The following DNER variants were observed in gnomAD, a reference collection of about 807,000 sequenced individuals.
DNER encodes the protein delta/notch like EGF repeat containing, also known as delta and Notch-like epidermal growth factor-related receptor.
A neutral mutation model predicts 78.2 loss-of-function variants in DNER; 33 were observed. The observed-to-expected ratio is 0.42, with a 90% CI of 0.32 to 0.56. The LOEUF (loss-of-function observed/expected upper bound fraction) is 0.56, where lower values mean the gene tolerates loss of function less well. DNER is among the 20% of genes least tolerant of loss of function. The pLI is 0.11. For synonymous variants in DNER, 417 were observed against 384.8 expected, an observed-to-expected ratio of 1.08 and a Z score of -0.98; for missense variants, 918 against 975.3, an observed-to-expected ratio of 0.94 and a Z score of 0.78.
intron 11 of DNER, among the ~76,000 whole-genome samples, chr2:229,369,335 T>TTA (rs1443718073): frequency 6.1e-5 from 9 of 147,814 alleles, no homozygotes; most frequent in South Asian, 2.1e-4. Context: ...TCTAAAAAGT[T>TTA]AAAAAAAAGT....
intron 6 of DNER, among the ~76,000 whole-genome samples, chr2:229,495,548 C>T (rs944603316): frequency 2.6e-5 from 4 of 152,192 alleles, no homozygotes; most frequent in Admixed American, 1.3e-4. Flanking sequence ...TGTCCCAGCT[C>T]AAGGCAGTCA....
chr2:229,535,712 C>T (rs1044016864), intron 5 of DNER, among the ~76,000 whole-genome samples: 10 of 151,962 alleles, frequency 6.6e-5, no homozygotes, highest in African/African-American at 2.2e-4. Context: ...GGCATGATCT[C>T]GGCTCACTGT....
chr2:229,453,448 T>C (rs1391593554), intron 7 of DNER, among the ~76,000 whole-genome samples: 1 of 152,144 alleles, frequency 6.6e-6, no homozygotes, highest in Non-Finnish European at 1.5e-5. Flanking sequence ...GAGAGAGGTA[T>C]GAACTAGACT....
intron 1 of DNER, among the ~76,000 whole-genome samples, chr2:229,614,694 TGG>T (rs1698119750): frequency 6.6e-6 from 1 of 152,246 alleles, no homozygotes; most frequent in East Asian, 1.9e-4. Context: ...CATAAGAGAC[TGG>T]GCTCCAGCCC....
At chr2:229,478,555 G>C (rs976896671) in intron 6 of DNER, among the ~76,000 whole-genome samples, 1 of 152,112 alleles carries the variant, frequency 6.6e-6, no homozygotes, top group African/African-American at 2.4e-5. Flanking sequence ...AGGAGAAAAG[G>C]CTATTTCAAA....
intron 1 of DNER, among the ~76,000 whole-genome samples, chr2:229,596,000 A>C (rs1697707147): frequency 6.6e-6 from 1 of 151,958 alleles, no homozygotes; most frequent in African/African-American, 2.4e-5. Flanking sequence ...TTTTTTCTAA[A>C]ATATCCATCA....
At chr2:229,455,255 C>A (rs1694545953) in intron 7 of DNER, among the ~76,000 whole-genome samples, 1 of 152,052 alleles carries the variant, frequency 6.6e-6, no homozygotes, top group Admixed American at 6.5e-5. Context: ...AGCCAGAAAA[C>A]CAAAGTTTGA....
intron 6 of DNER, among the ~76,000 whole-genome samples, chr2:229,511,134 A>C (rs1384832564): frequency 2.0e-5 from 3 of 152,190 alleles, no homozygotes; most frequent in African/African-American, 7.2e-5. Flanking sequence ...CTTGTTTCTT[A>C]CAATGAGTAC....
Position 229,502,154 on chromosome 2 carries a change from C to T in DNER, c.1147+10629G>A, listed in dbSNP as rs116456051. On this transcript the variant is annotated intron_variant, in intron 6 of 12. Transcript: ENST00000341772. ...AGAGGGCAGTGGAAACCTGTCCTAT[C>T]GAAAGGAAACCCATATGGAGCATGG... Among the ~76,000 whole-genome samples the T allele has an allele frequency of 3.0e-3, 452 of 152,198 alleles. 5 individuals are homozygous for T. Among genetic ancestry groups the T allele is most frequent in the African/African-American group, 0.01 (421 of 41,526 alleles).
At chr2:229,683,056 T>A (rs769909581) in intron 1 of DNER, among the ~76,000 whole-genome samples, 1 of 152,242 alleles carries the variant, frequency 6.6e-6, no homozygotes, top group Non-Finnish European at 1.5e-5. Context: ...TATAATTTAA[T>A]AGCATAAAGT....
intron 4 of DNER, among the ~76,000 whole-genome samples, chr2:229,569,964 A>G (rs1318713902): frequency 6.6e-6 from 1 of 152,214 alleles, no homozygotes; most frequent in Non-Finnish European, 1.5e-5. Flanking sequence ...AACGTTTCAG[A>G]GGGCCATAAT....
Position 229,489,201 on chromosome 2 carries a change from G to A in DNER, c.1148-11948C>T, listed in dbSNP as rs202225320. On this transcript the variant is annotated intron_variant, in intron 6 of 12. Transcript: ENST00000341772. Reference sequence around the variant, plus strand: ...CTGTGAGTAAGGCAGCATGGCCTGCGGGGAGGGTGCAATCACCCAGGCGGC... The same window carrying A: ...CTGTGAGTAAGGCAGCATGGCCTGCAGGGAGGGTGCAATCACCCAGGCGGC... 7.9e-5 allele frequency among the ~76,000 whole-genome samples: 12 copies of A among 152,210 alleles called. No individual in the cohort carries two copies. In the East Asian group the frequency reaches 9.6e-4, roughly 12 times the overall value.
chr2:229,564,015 T>C (rs991371262), intron 4 of DNER, among the ~76,000 whole-genome samples: 3 of 145,814 alleles, frequency 2.1e-5, no homozygotes, highest in Admixed American at 6.8e-5. Flanking sequence ...ATCACCATCA[T>C]CATCATCCTC....
At chr2:229,596,126 A>C (rs2154214783) in intron 1 of DNER, among the ~76,000 whole-genome samples, 1 of 152,286 alleles carries the variant, frequency 6.6e-6, no homozygotes, top group Non-Finnish European at 1.5e-5. Flanking sequence ...GTGTATCCAC[A>C]GCCCTAGAAC....
chr2:229,476,448 A>G (rs6706264), intron 7 of DNER, among the ~76,000 whole-genome samples: 18,953 of 152,120 alleles, frequency 0.12, 1,323 homozygotes, highest in South Asian at 0.2. Context: ...TCTGCAGAGG[A>G]TGTGACTCTA....
rs1434553535 is a variant in DNER, at chr2:229,448,575, T to G, written c.1262-1035A>C. ...ATAAAATTATGTAAGGCTGTTAACT[T>G]TTTCTTTTAAATATGGTTACTGTGT... On this transcript the variant is annotated intron_variant, in intron 7 of 12. Transcript: ENST00000341772. 2.0e-5 allele frequency among the ~76,000 whole-genome samples: 3 copies of G among 152,326 alleles called. No individual in the cohort carries two copies. The East Asian group carries it at 5.8e-4, about 29-fold the overall frequency.
At chr2:229,621,468 C>A (rs72991665) in intron 1 of DNER, among the ~76,000 whole-genome samples, 3,238 of 151,974 alleles carry the variant, frequency 0.021, 44 homozygotes, top group Middle Eastern at 0.034. Flanking sequence ...GCTCCCAGCC[C>A]TGCCCACCAC....
At chr2:229,678,610 G>C (rs1470917907) in intron 1 of DNER, among the ~76,000 whole-genome samples, 2 of 152,202 alleles carry the variant, frequency 1.3e-5, no homozygotes, top group Non-Finnish European at 2.9e-5. Flanking sequence ...GCAAAAGCTA[G>C]ACCAGTATTT....
intron 10 of DNER, among the ~76,000 whole-genome samples, chr2:229,398,310 AAAAT>A (rs1693194085): frequency 6.6e-6 from 1 of 152,078 alleles, no homozygotes; most frequent in Non-Finnish European, 1.5e-5. Context: ...CATCAAATAT[AAAAT>A]AGATGATTTA....
Sources: allele counts gnomAD v4.1 joint callset (sites outside exome capture counted in the v4.1 genomes callset), GRCh38; gene constraint gnomAD v4.1.1; transcripts MANE v1.5; gene names NCBI Gene and HGNC (gene_info 2026-07-23, HGNC 2026-07-21).